The following PTPA variants were observed in gnomAD, a reference collection of about 807,000 sequenced individuals.
The protein encoded by PTPA is protein phosphatase 2 phosphatase activator, also known as serine/threonine-protein phosphatase 2A activator.
PTPA carries 13 observed loss-of-function variants against 43.6 expected under a neutral mutation model. The observed-to-expected ratio is 0.30, with a 90% CI of 0.19 to 0.47. PTPA has a LOEUF of 0.47. Ranked by LOEUF, PTPA falls within the 20% of genes least tolerant of loss-of-function variation. The pLI, the probability that PTPA is intolerant of heterozygous loss-of-function variation, is 0.99. For synonymous variants in PTPA, 172 were observed against 158.2 expected (o/e 1.09, Z -0.66); for missense variants, 329 against 411.9 (o/e 0.80, Z 1.74).
At position 129,147,561 on chromosome 9, in the gene PTPA, C is replaced by A; in HGVS notation, c.*97C>A. 2 of 1,304,608 alleles carry A rather than the reference C, an allele frequency of 1.5e-6. No homozygotes were observed. The highest frequency in any genetic ancestry group is 2.4e-5 in the East Asian group (1 of 41,328). The allele number at this position is 1,304,608 out of a possible 1,614,324, so 80.8% of individuals were successfully genotyped here. ...TCCCCATCCCCTCCCTCTGTTCGTC[C>A]CGTTTGATGAGAGGCTGTTTACTGG... is the stretch of plus-strand genomic sequence containing the variant. On this transcript the variant is annotated 3_prime_UTR_variant, in exon 10 of 10. Transcript: ENST00000393370.
At chr9:129,142,649 C>G in intron 9 of PTPA, 97 bp downstream of exon 9, 1 of 1,562,270 alleles carries the variant, frequency 6.4e-7, no homozygotes, top group Non-Finnish European at 8.7e-7. Context: ...CTCCTGCTTC[C>G]TCCTACCCCA....
chr9:129,135,231 A>G (rs1180913215), intron 6 of PTPA, among the ~76,000 whole-genome samples: 2 of 152,188 alleles, frequency 1.3e-5, no homozygotes, highest in African/African-American at 2.4e-5. Flanking sequence ...CGTCTCTACT[A>G]AAAATACAAG....
intron 9 of PTPA, chr9:129,143,063 A>C: frequency 1.3e-6 from 1 of 756,670 alleles, no homozygotes; most frequent in Non-Finnish European, 2.1e-6. Context: ...TTTTGATGCA[A>C]ATGGTTTTCC....
intron 9 of PTPA, among the ~76,000 whole-genome samples, chr9:129,143,873 C>G (rs1394414355): frequency 6.6e-6 from 1 of 151,938 alleles, no homozygotes; most frequent in Non-Finnish European, 1.5e-5. Flanking sequence ...CCGCCTGTCC[C>G]ACAGTGGGGG....
intron 3 of PTPA, among the ~76,000 whole-genome samples, chr9:129,127,726 G>A (rs1849672021): frequency 6.6e-6 from 1 of 152,236 alleles, no homozygotes; most frequent in Admixed American, 6.5e-5. Flanking sequence ...GAAAGGTGTA[G>A]GGGGATGGGC....
rs946460306 is a variant in PTPA at position 129,140,558 on chromosome 9, C to T, written c.787-1887C>T. The stretch of plus-strand genomic sequence containing the variant: ...CTTTGGCCCTGGTAGGCGAGGCTGG[C>T]CAGGAGGCAGGGGCTCTTGTCTTCC... On this transcript the variant is annotated intron_variant, in intron 8 of 9. Coordinates refer to ENST00000393370, the MANE Select transcript of PTPA (RefSeq NM_178000.3). Among the ~76,000 whole-genome samples the T allele has an allele frequency of 2.6e-5, 4 of 152,156 alleles. No individual in the cohort carries two copies. In the East Asian group the frequency reaches 5.8e-4, roughly 22 times the overall value.
intron 3 of PTPA, among the ~76,000 whole-genome samples, chr9:129,126,563 G>A (rs1382562268): frequency 2.0e-5 from 3 of 152,150 alleles, no homozygotes; most frequent in Admixed American, 2.0e-4. Context: ...TGTGATAAGA[G>A]ATTTATTTTT....
chr9:129,146,081 C>T (rs900016085), intron 9 of PTPA, among the ~76,000 whole-genome samples: 2 of 150,968 alleles, frequency 1.3e-5, no homozygotes, highest in East Asian at 2.0e-4. Flanking sequence ...GACCTTTGAC[C>T]CCTTCTGGAA....
At chr9:129,137,810 G>A in intron 8 of PTPA, 118 bp downstream of exon 8, 2 of 942,222 alleles carry the variant, frequency 2.1e-6, no homozygotes, top group African/African-American at 1.6e-5. Context: ...GGCAGGGCCG[G>A]CCGGAGCGGG....
intron 8 of PTPA, 123 bp from the exon 9 acceptor site, chr9:129,142,322 T>A: frequency 1.2e-6 from 1 of 856,772 alleles, no homozygotes; most frequent in Non-Finnish European, 1.8e-6. Context: ...TGCGCGTGCA[T>A]TGTGTGCGTG....
chr9:129,144,546 G>A (rs1042407489), intron 9 of PTPA, among the ~76,000 whole-genome samples: 1 of 151,862 alleles, frequency 6.6e-6, no homozygotes, highest in Non-Finnish European at 1.5e-5. Context: ...AGACCATCCT[G>A]GCTAACACAG....
intron 9 of PTPA, among the ~76,000 whole-genome samples, chr9:129,144,125 C>T (rs893885085): frequency 6.6e-6 from 1 of 151,844 alleles, no homozygotes; most frequent in African/African-American, 2.4e-5. Flanking sequence ...GAGACCCTGT[C>T]CCCTTCTCTC....
chr9:129,131,748 C>A, intron 5 of PTPA, 109 bp downstream of exon 5: 2 of 1,114,764 alleles, frequency 1.8e-6, no homozygotes, highest in Non-Finnish European at 1.3e-6. Context: ...CAAGAATTCG[C>A]CAAGCACCTG....
At chr9:129,143,168 C>A in intron 9 of PTPA, 1 of 616,224 alleles carries the variant, frequency 1.6e-6, no homozygotes, top group Non-Finnish European at 2.9e-6. Context: ...GCCCTCTTGG[C>A]ACTGTTCTCC....
At chr9:129,127,907 C>T in intron 3 of PTPA, 1 of 1,133,672 alleles carries the variant, frequency 8.8e-7, no homozygotes. Flanking sequence ...AATGCAGTGG[C>T]ACGATGAAAT....
At chr9:129,122,222 C>T (rs558579877) in intron 2 of PTPA, among the ~76,000 whole-genome samples, 2 of 152,248 alleles carry the variant, frequency 1.3e-5, no homozygotes, top group Admixed American at 1.3e-4. Context: ...CCCACCTCAG[C>T]CACCTGAGTA....
intron 2 of PTPA, among the ~76,000 whole-genome samples, chr9:129,122,782 A>C (rs1045034133): frequency 6.6e-6 from 1 of 152,168 alleles, no homozygotes; most frequent in African/African-American, 2.4e-5. Context: ...GCTATTGTGT[A>C]AAAAAACTGC....
chr9:129,111,576 C>CG lies in PTPA; in HGVS notation c.-22dup. ...AAGGCGAGAGGGGACTGCAAGCATC[C>CG]GGGTCGGCTCCTGGCCGGAGCAAGA... On this transcript the variant is annotated 5_prime_UTR_variant, in exon 1 of 10. Coordinates refer to ENST00000393370, the MANE Select transcript of PTPA (RefSeq NM_178000.3). 1 of 1,288,404 alleles carries CG rather than the reference C, an allele frequency of 7.8e-7. No individual in the cohort carries two copies. Among genetic ancestry groups the CG allele is most frequent in the Non-Finnish European group, 9.9e-7 (1 of 1,009,486 alleles). 79.8% of individuals were successfully genotyped at this position (1,288,404 alleles called of 1,614,324 possible).
chr9:129,147,557 C>A lies in PTPA; in HGVS notation c.*93C>A. 1 of 1,341,690 alleles carries A rather than the reference C, an allele frequency of 7.5e-7. No homozygotes were observed. The highest frequency in any genetic ancestry group is 1.2e-5 in the South Asian group (1 of 81,214). The allele number at this position is 1,341,690 out of a possible 1,614,324, so 83.1% of individuals were successfully genotyped here. A position where few individuals can be genotyped will look rare whatever the true frequency, so the allele number is the denominator to read the frequency against. Reference sequence around the variant, plus strand: ...CCCCTCCCCATCCCCTCCCTCTGTTCGTCCCGTTTGATGAGAGGCTGTTTA... The same window carrying A: ...CCCCTCCCCATCCCCTCCCTCTGTTAGTCCCGTTTGATGAGAGGCTGTTTA... On this transcript the variant is annotated 3_prime_UTR_variant, in exon 10 of 10. Coordinates refer to ENST00000393370, the MANE Select transcript of PTPA (RefSeq NM_178000.3).
Sources: gnomAD v4.1 joint callset for allele counts (sites outside exome capture counted in the v4.1 genomes callset) on GRCh38, gnomAD v4.1.1 for gene constraint, MANE v1.5 for transcripts, NCBI Gene and HGNC (gene_info 2026-07-23, HGNC 2026-07-21) for gene names.